Variants in FBP1 observed in about 807,000 individuals in gnomAD.
FBP1 encodes the protein fructose-1,6-bisphosphatase 1.
A neutral mutation model predicts 29.9 loss-of-function variants in FBP1; 22 were observed. The observed-to-expected ratio is 0.74, with a 90% confidence interval of 0.53 to 1.05. FBP1 has a LOEUF of 1.05. Ranked by LOEUF, FBP1 falls within the 50% of genes least tolerant of loss-of-function variation. The pLI, the probability that FBP1 is intolerant of heterozygous loss-of-function variation, is 0.00. For synonymous variants in FBP1, 175 were observed against 178.6 expected (o/e 0.98, Z 0.16); for missense variants, 345 against 448.2 (o/e 0.77, Z 2.08).
At chr9:94,629,282 AG>A (rs747993573) in intron 1 of FBP1, among the ~76,000 whole-genome samples, 3 of 152,110 alleles carry the variant, frequency 2.0e-5, no homozygotes, top group Non-Finnish European at 4.4e-5. Flanking sequence ...ACCTGGCCAA[AG>A]GTTTTTTTTA....
At chr9:94,635,927 C>T (rs1828185296) in intron 1 of FBP1, among the ~76,000 whole-genome samples, 7 of 152,158 alleles carry the variant, frequency 4.6e-5, no homozygotes, top group Admixed American at 4.6e-4. Flanking sequence ...ACAAAGCAAA[C>T]TACAGAAATG....
intron 1 of FBP1, among the ~76,000 whole-genome samples, chr9:94,623,784 G>A (rs769351799): frequency 6.6e-6 from 1 of 152,320 alleles, no homozygotes; most frequent in Non-Finnish European, 1.5e-5. Context: ...TAGATGCTGG[G>A]GTTACAGTGC....
chr9:94,624,589 G>T (rs1426513326), intron 1 of FBP1, among the ~76,000 whole-genome samples: 1 of 148,458 alleles, frequency 6.7e-6, no homozygotes, highest in Admixed American at 6.7e-5. Flanking sequence ...GGAGGCGGAG[G>T]TTGCAGTGAG....
chr9:94,607,523 G>A (rs1382907621), intron 4 of FBP1, among the ~76,000 whole-genome samples: 1 of 152,168 alleles, frequency 6.6e-6, no homozygotes, highest in Non-Finnish European at 1.5e-5. Context: ...CGTAACTTCC[G>A]ATGGCCTTTG....
At chr9:94,626,085 C>A (rs1828022724) in intron 1 of FBP1, among the ~76,000 whole-genome samples, 1 of 152,224 alleles carries the variant, frequency 6.6e-6, no homozygotes, top group South Asian at 2.1e-4. Context: ...CTTGGGAACG[C>A]CTCTTCTCTT....
intron 1 of FBP1, among the ~76,000 whole-genome samples, chr9:94,628,381 CA>C (rs11394817): frequency 1.6e-4 from 22 of 135,794 alleles, no homozygotes; most frequent in African/African-American, 2.8e-4. Context: ...GACTCTGTCT[CA>C]AAAAAAAAAA....
intron 1 of FBP1, among the ~76,000 whole-genome samples, chr9:94,623,334 CAGA>C (rs1827975388): frequency 6.6e-6 from 1 of 152,178 alleles, no homozygotes; most frequent in African/African-American, 2.4e-5. Context: ...ACCGATGGAC[CAGA>C]AGAAGGGCTT....
At chr9:94,616,433 C>T in intron 3 of FBP1, among the ~76,000 whole-genome samples, 1 of 68,318 alleles carries the variant, frequency 1.5e-5, no homozygotes, top group Non-Finnish European at 3.1e-5. Context: ...GCTGTTAAAA[C>T]TATATATATA....
intron 1 of FBP1, among the ~76,000 whole-genome samples, chr9:94,623,690 T>C (rs2131493188): frequency 6.6e-6 from 1 of 152,306 alleles, no homozygotes; most frequent in Admixed American, 6.5e-5. Context: ...TCTCTTTTAC[T>C]CAAAATCTTC....
chr9:94,636,534 T>C (rs959743808), intron 1 of FBP1, among the ~76,000 whole-genome samples: 53 of 152,048 alleles, frequency 3.5e-4, no homozygotes, highest in African/African-American at 1.1e-3. Flanking sequence ...ACATGCTTCA[T>C]CCAGGCCCCA....
intron 1 of FBP1, among the ~76,000 whole-genome samples, chr9:94,635,594 T>C (rs1038768688): frequency 2.0e-5 from 3 of 152,194 alleles, no homozygotes; most frequent in African/African-American, 4.8e-5. Context: ...CTGGAATGAA[T>C]GTAGGTTGGG....
Position 94,612,556 on chromosome 9 carries a change from T to C in FBP1, c.427-2495A>G, listed in dbSNP as rs969266757. ...TTTCTAGCCCAGCCCCCAATTTTTTTTTTTTTTTTTTTTTTTTTGGAGACA... is the reference window on the plus strand; with the variant it reads ...TTTCTAGCCCAGCCCCCAATTTTTTCTTTTTTTTTTTTTTTTTTGGAGACA... On this transcript the variant is annotated intron_variant, in intron 3 of 6. Transcript: ENST00000375326. 1.4e-3 allele frequency among the ~76,000 whole-genome samples: 197 copies of C among 142,534 alleles called. 3 individuals carry two copies. The highest frequency in any genetic ancestry group is 4.4e-3 in the African/African-American group (170 of 38,242). 93.5% of individuals were successfully genotyped at this position (142,534 alleles called of 152,430 possible).
chr9:94,634,830 C>T (rs1173497957), intron 1 of FBP1, among the ~76,000 whole-genome samples: 1 of 152,128 alleles, frequency 6.6e-6, no homozygotes, highest in African/African-American at 2.4e-5. Context: ...GGCGCAGTGG[C>T]TCACACTTCT....
chr9:94,607,468 G>A (rs941695494), intron 4 of FBP1, among the ~76,000 whole-genome samples: 4 of 152,090 alleles, frequency 2.6e-5, no homozygotes, highest in African/African-American at 4.8e-5. Flanking sequence ...CTTTCTGGGC[G>A]TTCTTATAGA....
intron 3 of FBP1, among the ~76,000 whole-genome samples, chr9:94,615,581 G>T (rs957563174): frequency 6.6e-6 from 1 of 152,090 alleles, no homozygotes; most frequent in African/African-American, 2.4e-5. Context: ...ATGTTCCTTG[G>T]CATGACTTGG....
At chr9:94,610,866 CTTTT>C (rs5899227) in intron 3 of FBP1, among the ~76,000 whole-genome samples, 2 of 143,862 alleles carry the variant, frequency 1.4e-5, no homozygotes, top group African/African-American at 2.5e-5. Context: ...TGATTTTCTT[CTTTT>C]TTTTTTTTTT....
At chr9:94,615,261 G>A (rs1827846621) in intron 3 of FBP1, among the ~76,000 whole-genome samples, 1 of 152,108 alleles carries the variant, frequency 6.6e-6, no homozygotes, top group South Asian at 2.1e-4. Context: ...AGACAGCCGA[G>A]CCTTATTGTT....
intron 1 of FBP1, among the ~76,000 whole-genome samples, chr9:94,625,073 G>A (rs1828002745): frequency 7.5e-6 from 1 of 133,144 alleles, no homozygotes; most frequent in African/African-American, 2.5e-5. Context: ...ATTTCCTCAT[G>A]CAGTGGACTG....
At chr9:94,635,489 C>A (rs930201653) in intron 1 of FBP1, among the ~76,000 whole-genome samples, 1 of 152,252 alleles carries the variant, frequency 6.6e-6, no homozygotes, top group Non-Finnish European at 1.5e-5. Flanking sequence ...TCTGCAATCA[C>A]CCCGTCCCTC....
Sources: gnomAD v4.1 joint callset for allele counts (sites outside exome capture counted in the v4.1 genomes callset) on GRCh38, gnomAD v4.1.1 for gene constraint, MANE v1.5 for transcripts, NCBI Gene and HGNC (gene_info 2026-07-23, HGNC 2026-07-21) for gene names.